CSNK1A1: variants seen among roughly 807,000 people sequenced by gnomAD.
CSNK1A1 encodes the protein casein kinase I isoform alpha.
Under a neutral mutation model 46.1 loss-of-function variants are expected in CSNK1A1, and 7 were observed. The ratio of observed to expected loss-of-function variants is 0.15; its 90% confidence interval spans 0.09 to 0.29. CSNK1A1 has a LOEUF of 0.29. CSNK1A1 is among the 10% of genes least tolerant of loss of function. The pLI is 1.00. For missense variants in CSNK1A1, 96 were observed against 417.1 expected (o/e 0.23, Z 6.71); for synonymous variants, 137 against 141.5 (o/e 0.97, Z 0.23).
rs768086737 is a variant in CSNK1A1, at chr5:149,535,633, TTTTG to T, written c.231-10466_231-10463del. ...CTATTAAGAGACCAAATGGCTTTCT[TTTTG>T]TTTGTTTCTTTGTTTTTGTTTTGAA... On this transcript the variant is annotated intron_variant, in intron 2 of 9. Coordinates refer to ENST00000377843, the MANE Select transcript of CSNK1A1 (RefSeq NM_001892.6). Among the ~76,000 whole-genome samples the T allele has an allele frequency of 5.9e-5, 9 of 152,208 alleles. No homozygotes were observed. The South Asian group carries it at 1.0e-3, about 18-fold the overall frequency.
At chr5:149,502,899 G>A in intron 9 of CSNK1A1, 2 of 588,932 alleles carry the variant, frequency 3.4e-6, no homozygotes, top group African/African-American at 2.0e-5. Flanking sequence ...CTCCCAAATA[G>A]CTGGGACCAT....
intron 2 of CSNK1A1, among the ~76,000 whole-genome samples, chr5:149,532,632 T>C (rs1348566164): frequency 6.6e-6 from 1 of 151,656 alleles, no homozygotes; most frequent in Admixed American, 6.6e-5. Flanking sequence ...GGAGATGCAG[T>C]GAGCCAAGAT....
rs903947908 is a variant in CSNK1A1 at position 149,499,262 on chromosome 5, T to A, written c.1007-2402A>T. On this transcript the variant is annotated intron_variant, in intron 9 of 9. Coordinates refer to ENST00000377843, the MANE Select transcript of CSNK1A1 (RefSeq NM_001892.6). ...TCAAGAACCCATCTTCACTGTAACATCAGTTAAAATGAGGAATGAATCCCT... is the reference window on the plus strand; with the variant it reads ...TCAAGAACCCATCTTCACTGTAACAACAGTTAAAATGAGGAATGAATCCCT... 3.1e-6 allele frequency: 3 copies of A among 965,500 alleles called. No homozygotes were observed. In the African/African-American group the frequency reaches 5.7e-5, roughly 18 times the overall value. 59.8% of individuals were successfully genotyped at this position (965,500 alleles called of 1,614,324 possible).
At chr5:149,536,352 T>C (rs1010102824) in intron 2 of CSNK1A1, among the ~76,000 whole-genome samples, 3 of 152,184 alleles carry the variant, frequency 2.0e-5, no homozygotes, top group Admixed American at 6.5e-5. Context: ...AATAACTGGA[T>C]GAAGGGAACA....
Position 149,550,261 on chromosome 5 carries a change from A to G in CSNK1A1, c.124-80T>C. Reference sequence around the variant, plus strand: ...TTAGGAAAGGAGGGAGACATTAGCAAAACTCCAAGTCGCGACTACAAGAAG... The same window carrying G: ...TTAGGAAAGGAGGGAGACATTAGCAGAACTCCAAGTCGCGACTACAAGAAG... On this transcript the variant is annotated intron_variant, in intron 1 of 9. Transcript: ENST00000377843. This position sits in a 1 kb window ranked among gnomAD's most constrained non-coding sequence, Gnocchi z 4.3. The G allele has an allele frequency of 6.5e-7, 1 of 1,543,652 alleles. No individual in the cohort carries two copies. The highest frequency in any genetic ancestry group is 1.2e-5 in the South Asian group (1 of 83,042).
Position 149,551,129 on chromosome 5 carries a change from C to G in CSNK1A1, c.-165G>C, listed in dbSNP as rs1304487322. On this transcript the variant is annotated 5_prime_UTR_variant, in exon 1 of 10. Transcript: ENST00000377843. Reference sequence around the variant, plus strand: ...GGGCCCAGAATCAGCAGAGGGGAACCTGATCACCGCCGCTCAGTCAGGTTT... The same window carrying G: ...GGGCCCAGAATCAGCAGAGGGGAACGTGATCACCGCCGCTCAGTCAGGTTT... The G allele has an allele frequency of 1.6e-6, 1 of 631,550 alleles. No individual in the cohort carries two copies. 39.1% of individuals were successfully genotyped at this position (631,550 alleles called of 1,614,324 possible).
intron 2 of CSNK1A1, among the ~76,000 whole-genome samples, chr5:149,536,088 G>A (rs1342176473): frequency 6.6e-6 from 1 of 152,146 alleles, no homozygotes. Context: ...TGAGTAGCTG[G>A]TATCACAGGC....
chr5:149,544,742 T>TAC (rs1439604424), intron 2 of CSNK1A1, among the ~76,000 whole-genome samples: 3 of 88,408 alleles, frequency 3.4e-5, no homozygotes, highest in Non-Finnish European at 6.7e-5. Context: ...GAGCTTTATA[T>TAC]ATATATATAT....
At chr5:149,548,386 G>A (rs1181556709) in intron 2 of CSNK1A1, among the ~76,000 whole-genome samples, 1 of 151,118 alleles carries the variant, frequency 6.6e-6, no homozygotes, top group African/African-American at 2.4e-5. Flanking sequence ...GGCCAACACG[G>A]CAAAACCTCA....
rs1418474423 is a variant in CSNK1A1 at position 149,493,025 on chromosome 5, C to T, written c.*3828G>A. 6.6e-6 allele frequency: 1 copy of T among 152,198 alleles called. No individual in the cohort carries two copies. Among genetic ancestry groups the T allele is most frequent in the Non-Finnish European group, 1.5e-5 (1 of 68,050 alleles). The allele number at this position is 152,198 out of a possible 1,614,324, so 9.4% of individuals were successfully genotyped here. ...ATTTTGATAATTGACACAGATTTAG[C>T]AAGTATAATCCTTCAAGTGGCTCCT... is the stretch of plus-strand genomic sequence containing the variant. On this transcript the variant is annotated 3_prime_UTR_variant, in exon 10 of 10. Coordinates refer to ENST00000377843, the MANE Select transcript of CSNK1A1 (RefSeq NM_001892.6).
chr5:149,528,266 T>TA (rs1001138735), intron 2 of CSNK1A1, among the ~76,000 whole-genome samples: 174 of 151,350 alleles, frequency 1.1e-3, no homozygotes, highest in South Asian at 7.1e-3. Context: ...TGAAAATAGC[T>TA]AAAAAAAAAT....
At chr5:149,549,924 G>T in intron 2 of CSNK1A1, 151 bp downstream of exon 2, 1 of 779,754 alleles carries the variant, frequency 1.3e-6, no homozygotes, top group Non-Finnish European at 2.0e-6. Flanking sequence ...CAGTAATTGA[G>T]ATGACTGACT....
intron 4 of CSNK1A1, among the ~76,000 whole-genome samples, chr5:149,518,218 A>C (rs1195618625): frequency 6.6e-6 from 1 of 152,006 alleles, no homozygotes; most frequent in Non-Finnish European, 1.5e-5. Flanking sequence ...CTTCCCCCCC[A>C]AAAAAATATT....
chr5:149,543,466 TC>T (rs1418009437), intron 2 of CSNK1A1, among the ~76,000 whole-genome samples: 3 of 151,974 alleles, frequency 2.0e-5, no homozygotes, highest in Non-Finnish European at 2.9e-5. Context: ...TTTCTCGTGA[TC>T]TGTGACGTAC....
chr5:149,536,143 G>A (rs1446063044), intron 2 of CSNK1A1, among the ~76,000 whole-genome samples: 1 of 152,112 alleles, frequency 6.6e-6, no homozygotes, highest in Non-Finnish European at 1.5e-5. Flanking sequence ...AGTAGATATG[G>A]GGTTTCTCCA....
In CSNK1A1 at chr5:149,504,855, C is replaced by T. The variant is rs571952108; in HGVS notation, c.1006+592G>A. On this transcript the variant is annotated intron_variant, in intron 9 of 9. Transcript: ENST00000377843. ...TTGTGACTAGAAAAGATGTGCTGAG[C>T]TTTGCATTTATTTGAGCATTTAAGA... 2.3e-5 allele frequency: 23 copies of T among 985,394 alleles called. No homozygotes were observed. In the East Asian group the frequency reaches 2.5e-3, roughly 107 times the overall value. 61.0% of individuals were successfully genotyped at this position (985,394 alleles called of 1,614,324 possible).
At chr5:149,524,051 A>G (rs1434589311) in intron 3 of CSNK1A1, among the ~76,000 whole-genome samples, 2 of 152,212 alleles carry the variant, frequency 1.3e-5, no homozygotes, top group Non-Finnish European at 2.9e-5. Context: ...AGAAGCTCAC[A>G]GTGATGCTTT....
intron 7 of CSNK1A1, among the ~76,000 whole-genome samples, chr5:149,508,778 T>C (rs1304349451): frequency 2.6e-5 from 4 of 152,234 alleles, no homozygotes; most frequent in Admixed American, 6.5e-5. Context: ...CTTTTTCTTA[T>C]AGATTAATGA....
chr5:149,535,703 A>T (rs1476692628), intron 2 of CSNK1A1, among the ~76,000 whole-genome samples: 2 of 152,166 alleles, frequency 1.3e-5, no homozygotes, highest in Non-Finnish European at 2.9e-5. Flanking sequence ...GCACTGGCAC[A>T]ATCTCGGCTC....
Sources: allele counts gnomAD v4.1 joint callset (sites outside exome capture counted in the v4.1 genomes callset), GRCh38; gene constraint gnomAD v4.1.1; non-coding constraint Gnocchi (gnomAD v3.1); transcripts MANE v1.5; gene names NCBI Gene and HGNC (gene_info 2026-07-23, HGNC 2026-07-21).